APP: variants seen among roughly 807,000 people sequenced by gnomAD.
APP encodes the protein amyloid beta precursor protein.
A neutral mutation model predicts 101.4 loss-of-function variants in APP; 31 were observed. The ratio of observed to expected loss-of-function variants is 0.31; its 90% confidence interval spans 0.23 to 0.41. The LOEUF (loss-of-function observed/expected upper bound fraction) is 0.41, where lower values mean the gene tolerates loss of function less well. Ranked by LOEUF, APP falls within the 10% of genes least tolerant of loss-of-function variation. The pLI is 1.00. For missense variants in APP, 839 were observed against 1,003.7 expected (o/e 0.84, Z 2.22); for synonymous variants, 366 against 364.4 (o/e 1.00, Z -0.05).
In APP at chr21:25,904,755, G is replaced by GA. The variant is rs578096417; in HGVS notation, c.1963+268dup. 4.5e-3 allele frequency among the ~76,000 whole-genome samples: 626 copies of GA among 138,170 alleles called. 4 individuals carry two copies. The highest frequency in any genetic ancestry group is 0.015 in the East Asian group (70 of 4,790). 90.6% of individuals were successfully genotyped at this position (138,170 alleles called of 152,430 possible). A position where few individuals can be genotyped will look rare whatever the true frequency, so the allele number is the denominator to read the frequency against. On this transcript the variant is annotated intron_variant, in intron 15 of 17. Coordinates refer to ENST00000346798, the MANE Select transcript of APP (RefSeq NM_000484.4). ...TGTTTTGTTTGTTTTAAAGAAAAAA[G>GA]AAAAAAAAAAACCCAAATTTGGAAG... is the stretch of plus-strand genomic sequence containing the variant.
chr21:26,154,397 T>A (rs996832674), intron 1 of APP, among the ~76,000 whole-genome samples: 9 of 152,126 alleles, frequency 5.9e-5, no homozygotes, highest in African/African-American at 1.9e-4. Flanking sequence ...GTCCCCCCAT[T>A]CCTATTCCAA....
At chr21:25,964,606 C>CTTTTTTTTTTTT (rs150904952) in intron 11 of APP, among the ~76,000 whole-genome samples, 10 of 122,566 alleles carry the variant, frequency 8.2e-5, no homozygotes, top group Non-Finnish European at 1.4e-4. Context: ...TTTTTCTTTT[C>CTTTTTTTTTTTT]TTTTTTTTTT....
intron 2 of APP, 60 bp downstream of exon 2, chr21:26,111,918 AT>A: frequency 1.3e-6 from 2 of 1,593,862 alleles, no homozygotes; most frequent in Non-Finnish European, 1.7e-6. Context: ...AAGAAGTTAA[AT>A]TTTTTGAAAA....
chr21:26,020,962 T>C (rs1205217376), intron 6 of APP, among the ~76,000 whole-genome samples: 5 of 152,090 alleles, frequency 3.3e-5, no homozygotes, highest in African/African-American at 1.2e-4. Context: ...AGCACTGCCG[T>C]ACTTCCCAAT....
At chr21:26,120,095 TTGTGGGC>T (rs2062532021) in intron 1 of APP, among the ~76,000 whole-genome samples, 2 of 152,236 alleles carry the variant, frequency 1.3e-5, no homozygotes. Flanking sequence ...ACCCTTGAGC[TTGTGGGC>T]TATAATAAAT....
chr21:25,898,618 T>C (rs1403736135), intron 15 of APP, among the ~76,000 whole-genome samples: 2 of 152,242 alleles, frequency 1.3e-5, no homozygotes, highest in Non-Finnish European at 2.9e-5. Flanking sequence ...CATTTTTTGA[T>C]AGATTTGCCT....
intron 15 of APP, among the ~76,000 whole-genome samples, chr21:25,901,068 C>T (rs975987091): frequency 6.6e-6 from 1 of 151,172 alleles, no homozygotes; most frequent in African/African-American, 2.4e-5. Context: ...GAGGCTGAGG[C>T]GGGCAAACAG....
intron 13 of APP, among the ~76,000 whole-genome samples, chr21:25,949,920 ACT>A (rs927471179): frequency 1.3e-5 from 2 of 152,006 alleles, no homozygotes; most frequent in African/African-American, 2.4e-5. Context: ...AAGTTGGCAA[ACT>A]CTCTTAGGTT....
chr21:26,167,108 C>T lies in APP; in HGVS notation c.57+3456G>A, dbSNP rs143383571. 2.8e-3 allele frequency among the ~76,000 whole-genome samples: 424 copies of T among 152,288 alleles called. 1 individual carries two copies. The highest frequency in any genetic ancestry group is 1.0e-2 in the African/African-American group (414 of 41,552). ...TTATCTATGATCTCATCCCATTGTT[C>T]CTTACTTTTTAAATACAGGAAGTTT... On this transcript the variant is annotated intron_variant, in intron 1 of 17. Transcript: ENST00000346798.
chr21:25,987,972 T>G (rs1429615065), intron 8 of APP, among the ~76,000 whole-genome samples: 1 of 152,088 alleles, frequency 6.6e-6, no homozygotes, highest in Non-Finnish European at 1.5e-5. Flanking sequence ...GTGATTTGTA[T>G]TATGGAGAAA....
At chr21:26,051,781 T>A (rs1238649314) in intron 4 of APP, among the ~76,000 whole-genome samples, 2 of 152,210 alleles carry the variant, frequency 1.3e-5, no homozygotes, top group Non-Finnish European at 2.9e-5. Flanking sequence ...TTGCTAAATT[T>A]GCACAAATCT....
At chr21:26,104,287 T>C (rs1036243888) in intron 2 of APP, among the ~76,000 whole-genome samples, 1 of 151,908 alleles carries the variant, frequency 6.6e-6, no homozygotes, top group Non-Finnish European at 1.5e-5. Context: ...ATTCATCCCA[T>C]AACAGTCCTC....
At chr21:26,009,886 C>A (rs1178183072) in intron 6 of APP, 1 of 173,692 alleles carries the variant, frequency 5.8e-6, no homozygotes, top group Non-Finnish European at 1.2e-5. Context: ...TCGTGCCTGG[C>A]CAGAATGTAC....
chr21:26,055,835 A>C (rs2046019208), intron 3 of APP, among the ~76,000 whole-genome samples: 1 of 152,014 alleles, frequency 6.6e-6, no homozygotes, highest in Non-Finnish European at 1.5e-5. Flanking sequence ...GAGAAGAGCC[A>C]GAGCAGGTAT....
intron 11 of APP, among the ~76,000 whole-genome samples, chr21:25,961,399 T>C (rs2041572225): frequency 6.6e-6 from 1 of 152,184 alleles, no homozygotes; most frequent in Non-Finnish European, 1.5e-5. Context: ...AAAATAAACT[T>C]TCTAAATTAA....
intron 5 of APP, among the ~76,000 whole-genome samples, chr21:26,038,077 A>C (rs992555532): frequency 6.6e-6 from 1 of 152,156 alleles, no homozygotes; most frequent in African/African-American, 2.4e-5. Context: ...AAAATGTCCA[A>C]AACAGCCCAA....
At chr21:26,002,424 C>CA (rs2043340011) in intron 6 of APP, among the ~76,000 whole-genome samples, 1 of 2,560 alleles carries the variant, frequency 3.9e-4, no homozygotes, top group Non-Finnish European at 1.0e-3. Flanking sequence ...TCTCTGCTCC[C>CA]AGAGCTTACC....
chr21:26,051,855 T>C (rs1171177697), intron 4 of APP, among the ~76,000 whole-genome samples: 1 of 152,182 alleles, frequency 6.6e-6, no homozygotes, highest in African/African-American at 2.4e-5. Context: ...ATTCAAGACA[T>C]AAAGGTAGAC....
At chr21:25,907,759 A>G (rs1308122699) in intron 14 of APP, among the ~76,000 whole-genome samples, 1 of 152,232 alleles carries the variant, frequency 6.6e-6, no homozygotes, top group Non-Finnish European at 1.5e-5. Context: ...TACCAGGCCA[A>G]AGGTAATGAG....
Sources: allele counts gnomAD v4.1 joint callset (sites outside exome capture counted in the v4.1 genomes callset), GRCh38; gene constraint gnomAD v4.1.1; transcripts MANE v1.5; gene names NCBI Gene and HGNC (gene_info 2026-07-23, HGNC 2026-07-21).